ADAMTS18: variants seen among roughly 807,000 people sequenced by gnomAD.
ADAMTS18 encodes the protein A disintegrin and metalloproteinase with thrombospondin motifs 18.
Under a neutral mutation model 165.9 loss-of-function variants are expected in ADAMTS18, and 157 were observed. The observed-to-expected ratio is 0.95, with a 90% CI of 0.83 to 1.08. The LOEUF (loss-of-function observed/expected upper bound fraction) is 1.08. Among genes scored for constraint, ADAMTS18 ranks in the 50% least tolerant of loss-of-function variants. The probability of loss-of-function intolerance (pLI) is 0.00; values close to 1 mark genes in which losing one functional copy is unlikely to be tolerated. For synonymous variants in ADAMTS18, 782 were observed against 578.2 expected, an observed-to-expected ratio of 1.35 and a Z score of -5.06; for missense variants, 2,040 against 1,534.0, an observed-to-expected ratio of 1.33 and a Z score of -5.51.
intron 16 of ADAMTS18, among the ~76,000 whole-genome samples, chr16:77,310,664 G>A (rs2055764153): frequency 6.6e-6 from 1 of 151,560 alleles, no homozygotes; most frequent in South Asian, 2.1e-4. Context: ...CAGGGTCTCT[G>A]TTGCCCAGGC....
chr16:77,326,112 G>A, intron 12 of ADAMTS18, 74 bp from the exon 13 acceptor site: 1 of 1,457,060 alleles, frequency 6.9e-7, no homozygotes, highest in Non-Finnish European at 9.5e-7. Flanking sequence ...ATAATATGAA[G>A]AGAGGCAATG....
chr16:77,432,055 C>T (rs949877158), intron 2 of ADAMTS18, among the ~76,000 whole-genome samples: 3 of 152,170 alleles, frequency 2.0e-5, no homozygotes, highest in Non-Finnish European at 4.4e-5. Flanking sequence ...TTTCTCTGTG[C>T]TTAAACTGAA....
intron 4 of ADAMTS18, among the ~76,000 whole-genome samples, chr16:77,366,419 G>A (rs554400507): frequency 3.0e-4 from 45 of 152,154 alleles, no homozygotes; most frequent in African/African-American, 1.0e-3. Context: ...TTAGCTTGGC[G>A]TGCTGGCGTG....
chr16:77,434,863 C>T lies in ADAMTS18; in HGVS notation c.-168G>A, dbSNP rs1223224534. On this transcript the variant is annotated 5_prime_UTR_variant, in exon 1 of 23. Transcript: ENST00000282849. Reference sequence around the variant, plus strand: ...GGGGCGCGCTGGGACCTCCCCTCCTCCGGCCGCCTGCGCGCCCTCCCTTCT... The same window carrying T: ...GGGGCGCGCTGGGACCTCCCCTCCTTCGGCCGCCTGCGCGCCCTCCCTTCT... 1.0e-5 allele frequency: 5 copies of T among 493,740 alleles called. No individual in the cohort carries two copies. Among genetic ancestry groups the T allele is most frequent in the Non-Finnish European group, 1.6e-5 (5 of 312,360 alleles). The allele number at this position is 493,740 out of a possible 1,614,324, so 30.6% of individuals were successfully genotyped here.
Position 77,434,464 on chromosome 16 carries a change from C to T in ADAMTS18, c.132G>A (p.Ala44=), listed in dbSNP as rs1237654825. ...LCCLCCASVA[A]ALASDSSSGA... Reference sequence around the variant, plus strand: ...CGCTGCTGCTGTCACTGGCTAAGGCCGCGGCGACCGACGCACAGCAGAGGC... The same window carrying T: ...CGCTGCTGCTGTCACTGGCTAAGGCTGCGGCGACCGACGCACAGCAGAGGC... The change falls in exon 2 of 23, where the codon GCG becomes GCA. Residue 44 remains alanine, a synonymous_variant. Transcript: ENST00000282849. 2 of 1,571,392 alleles carry T rather than the reference C, an allele frequency of 1.3e-6. No individual in the cohort carries two copies. Among genetic ancestry groups the T allele is most frequent in the Admixed American group, 3.6e-5 (2 of 55,790 alleles).
Position 77,320,102 on chromosome 16 carries a change from A to T in ADAMTS18, c.2288-9T>A. ...GACCACCGGATAATATTCTAAATGG[A>T]AAGAAGAGAACATGTCTGAATTCCA... On this transcript the variant is annotated splice_polypyrimidine_tract_variant and intron_variant, in intron 15 of 22. Transcript: ENST00000282849. 6.2e-7 allele frequency: 1 copy of T among 1,614,100 alleles called. No homozygotes were observed.
At chr16:77,382,800 T>A (rs1191845374) in intron 3 of ADAMTS18, among the ~76,000 whole-genome samples, 1 of 152,222 alleles carries the variant, frequency 6.6e-6, no homozygotes, top group Non-Finnish European at 1.5e-5. Context: ...GAAGTTCACA[T>A]GGGAACATGC....
At chr16:77,346,101 C>T (rs2056471880) in intron 10 of ADAMTS18, among the ~76,000 whole-genome samples, 1 of 152,188 alleles carries the variant, frequency 6.6e-6, no homozygotes, top group African/African-American at 2.4e-5. Context: ...GCATCTCTCT[C>T]TTACCTCCTT....
chr16:77,411,541 A>C (rs766188302), intron 3 of ADAMTS18, among the ~76,000 whole-genome samples: 61 of 152,306 alleles, frequency 4.0e-4, no homozygotes, highest in Admixed American at 7.8e-4. Context: ...TATTCAAATA[A>C]GCACATGACT....
chr16:77,384,910 GT>G (rs750433380), intron 3 of ADAMTS18, among the ~76,000 whole-genome samples: 266 of 122,354 alleles, frequency 2.2e-3, no homozygotes, highest in Middle Eastern at 4.0e-3. Context: ...TTCAGATAAG[GT>G]TTTTTTTTTT....
At chr16:77,402,369 A>T in intron 3 of ADAMTS18, among the ~76,000 whole-genome samples, 1 of 152,150 alleles carries the variant, frequency 6.6e-6, no homozygotes, top group East Asian at 1.9e-4. Context: ...AAGCAGGCCT[A>T]GGGGCCAGCA....
chr16:77,316,365 C>G (rs560613278), intron 16 of ADAMTS18, among the ~76,000 whole-genome samples: 1 of 151,990 alleles, frequency 6.6e-6, no homozygotes, highest in Non-Finnish European at 1.5e-5. Flanking sequence ...AGTGCTTCTT[C>G]TGCCTCAGCC....
At chr16:77,425,287 C>A (rs1278088163) in intron 3 of ADAMTS18, among the ~76,000 whole-genome samples, 1 of 152,088 alleles carries the variant, frequency 6.6e-6, no homozygotes, top group African/African-American at 2.4e-5. Context: ...CGAGGGGAAA[C>A]CGAGTGACAA....
At chr16:77,398,469 G>C (rs1196720280) in intron 3 of ADAMTS18, among the ~76,000 whole-genome samples, 1 of 152,218 alleles carries the variant, frequency 6.6e-6, no homozygotes, top group Non-Finnish European at 1.5e-5. Context: ...AAAGCTGCCA[G>C]ACACTTCAGA....
Position 77,367,707 on chromosome 16 carries a change from G to C in ADAMTS18, c.512C>G (p.Thr171Arg), listed in dbSNP as rs1269496872. ...TCAGLSGLIR[T>R]RKNEFLISPL... The stretch of plus-strand genomic sequence containing the variant: ...CGAGATGAGGAATTCATTTTTTCGT[G>C]TCCTTATTAAACCTGACTAAAAAGC... The change falls in exon 4 of 23, where the codon ACA becomes AGA. Residue 171 changes from threonine to arginine, a missense_variant. Transcript: ENST00000282849. 1 of 1,613,998 alleles carries C rather than the reference G, an allele frequency of 6.2e-7. No homozygotes were observed. The highest frequency in any genetic ancestry group is 2.2e-5 in the East Asian group (1 of 44,888).
rs2057778750 is a variant in ADAMTS18 at position 77,434,874 on chromosome 16, C to G, written c.-179G>C. On this transcript the variant is annotated 5_prime_UTR_variant, in exon 1 of 23. Coordinates refer to ENST00000282849, the MANE Select transcript of ADAMTS18 (RefSeq NM_199355.4). Reference sequence around the variant, plus strand: ...GGACCTCCCCTCCTCCGGCCGCCTGCGCGCCCTCCCTTCTCCCGGCGCGGG... The same window carrying G: ...GGACCTCCCCTCCTCCGGCCGCCTGGGCGCCCTCCCTTCTCCCGGCGCGGG... 2.2e-6 allele frequency: 1 copy of G among 455,606 alleles called. No homozygotes were observed. The highest frequency in any genetic ancestry group is 3.6e-6 in the Non-Finnish European group (1 of 278,258). The allele number at this position is 455,606 out of a possible 1,614,324, so 28.2% of individuals were successfully genotyped here. A position where few individuals can be genotyped will look rare whatever the true frequency, so the allele number is the denominator to read the frequency against.
intron 3 of ADAMTS18, among the ~76,000 whole-genome samples, chr16:77,404,361 G>T (rs28692574): frequency 1.3e-5 from 2 of 152,116 alleles, no homozygotes; most frequent in South Asian, 4.1e-4. Flanking sequence ...TTAGATTTAG[G>T]GGGGAAACAG....
rs765990787 is a variant in ADAMTS18, at chr16:77,297,271, C to T, written c.2801+18G>A. On this transcript the variant is annotated intron_variant, in intron 18 of 22. Coordinates refer to ENST00000282849, the MANE Select transcript of ADAMTS18 (RefSeq NM_199355.4). Reference sequence around the variant, plus strand: ...ACAAGTACAAAACTAAACAAAAAGACACTTCCAAATGACTTACTAAGCCGG... The same window carrying T: ...ACAAGTACAAAACTAAACAAAAAGATACTTCCAAATGACTTACTAAGCCGG... The T allele has an allele frequency of 3.7e-6, 6 of 1,613,976 alleles. No homozygotes were observed. The Admixed American group carries it at 6.7e-5, about 18-fold the overall frequency.
In ADAMTS18 at chr16:77,282,945, G is replaced by A. The variant is rs1161181251; in HGVS notation, c.*1011C>T. On this transcript the variant is annotated 3_prime_UTR_variant, in exon 23 of 23. Coordinates refer to ENST00000282849, the MANE Select transcript of ADAMTS18 (RefSeq NM_199355.4). ...TTTTTTTGCTGTTAGCTCAATCCTAGGGCAAATTTAAACGTATCAGTTGGT... is the reference window on the plus strand; with the variant it reads ...TTTTTTTGCTGTTAGCTCAATCCTAAGGCAAATTTAAACGTATCAGTTGGT... The A allele has an allele frequency of 2.4e-5, 3 of 123,120 alleles. No individual in the cohort carries two copies. Among genetic ancestry groups the A allele is most frequent in the African/African-American group, 9.2e-5 (3 of 32,658 alleles). The allele number at this position is 123,120 out of a possible 1,614,324, so 7.6% of individuals were successfully genotyped here.
Sources: allele counts gnomAD v4.1 joint callset (sites outside exome capture counted in the v4.1 genomes callset), GRCh38; gene constraint gnomAD v4.1.1; transcripts MANE v1.5; gene names NCBI Gene and HGNC (gene_info 2026-07-23, HGNC 2026-07-21).